Variants in PHLPP1 observed in about 807,000 individuals in gnomAD.
The protein encoded by PHLPP1 is PH domain and leucine rich repeat protein phosphatase 1, also known as PH domain leucine-rich repeat-containing protein phosphatase 1.
In PHLPP1, 42 loss-of-function variants were observed where a neutral mutation model predicts 117.2. That is an observed-to-expected ratio of 0.36 (90% CI 0.28 to 0.46). The LOEUF (loss-of-function observed/expected upper bound fraction) is 0.46, where lower values mean the gene tolerates loss of function less well. Ranked by LOEUF, PHLPP1 falls within the 20% of genes least tolerant of loss-of-function variation. The pLI is 1.00. For synonymous variants in PHLPP1, 1,042 were observed against 970.7 expected (o/e 1.07, Z -1.37); for missense variants, 2,084 against 2,241.9 (o/e 0.93, Z 1.42).
At chr18:62,925,782 T>A (rs1909611523) in intron 10 of PHLPP1, among the ~76,000 whole-genome samples, 1 of 152,196 alleles carries the variant, frequency 6.6e-6, no homozygotes, top group Non-Finnish European at 1.5e-5. Flanking sequence ...CAAAGTGTTT[T>A]CAGAATTTCC....
intron 12 of PHLPP1, among the ~76,000 whole-genome samples, chr18:62,950,208 A>G (rs918260490): frequency 1.3e-5 from 2 of 152,192 alleles, no homozygotes; most frequent in African/African-American, 4.8e-5. Context: ...TATCTTTAGA[A>G]GATTATTTTC....
intron 1 of PHLPP1, among the ~76,000 whole-genome samples, chr18:62,745,116 A>G (rs1911639425): frequency 6.6e-6 from 1 of 152,230 alleles, no homozygotes; most frequent in African/African-American, 2.4e-5. Context: ...AGGGTTTAGT[A>G]ATCTTATTTG....
intron 14 of PHLPP1, among the ~76,000 whole-genome samples, chr18:62,969,808 C>T (rs1911000873): frequency 6.6e-6 from 1 of 152,168 alleles, no homozygotes; most frequent in African/African-American, 2.4e-5. Flanking sequence ...TTAATGTTAG[C>T]ATGGTATACC....
At chr18:62,949,935 A>C (rs1281144073) in intron 12 of PHLPP1, among the ~76,000 whole-genome samples, 1 of 152,206 alleles carries the variant, frequency 6.6e-6, no homozygotes, top group Non-Finnish European at 1.5e-5. Flanking sequence ...TTGCAACAAA[A>C]ACCAAGCTAT....
chr18:62,862,859 G>T (rs141071098), intron 4 of PHLPP1, among the ~76,000 whole-genome samples: 1 of 152,264 alleles, frequency 6.6e-6, no homozygotes, highest in African/African-American at 2.4e-5. Flanking sequence ...TTTTTTTAAA[G>T]AATATTTTTA....
intron 3 of PHLPP1, among the ~76,000 whole-genome samples, chr18:62,858,652 C>T (rs1398756482): frequency 1.3e-5 from 2 of 152,148 alleles, no homozygotes; most frequent in African/African-American, 4.8e-5. Context: ...GTGAATGAAG[C>T]TGGGTATGGT....
chr18:62,870,059 A>T (rs903481180), intron 4 of PHLPP1, among the ~76,000 whole-genome samples: 1 of 151,996 alleles, frequency 6.6e-6, no homozygotes, highest in Non-Finnish European at 1.5e-5. Flanking sequence ...CGCCTGGCTA[A>T]TTTTTGTATT....
intron 4 of PHLPP1, among the ~76,000 whole-genome samples, chr18:62,879,201 T>C (rs1459522089): frequency 6.6e-6 from 1 of 152,184 alleles, no homozygotes; most frequent in Non-Finnish European, 1.5e-5. Flanking sequence ...ATGAGGGCTC[T>C]ACCTTCATGA....
chr18:62,731,368 A>G (rs944433622), intron 1 of PHLPP1: 1 of 152,066 alleles, frequency 6.6e-6, no homozygotes, highest in Non-Finnish European at 1.5e-5. Flanking sequence ...GTGATCTGTG[A>G]TCGGTGATTT....
chr18:62,871,644 ATT>A (rs71160879), intron 4 of PHLPP1, among the ~76,000 whole-genome samples: 82 of 108,566 alleles, frequency 7.6e-4, no homozygotes, highest in Non-Finnish European at 9.0e-4. Context: ...AGCTCTGAAA[ATT>A]TTTTTTTTTT....
chr18:62,778,960 G>A (rs1359559352), intron 1 of PHLPP1, among the ~76,000 whole-genome samples: 1 of 152,246 alleles, frequency 6.6e-6, no homozygotes, highest in African/African-American at 2.4e-5. Context: ...TTCAGGGAAT[G>A]TTAGTGGCTG....
At chr18:62,806,054 C>G (rs1016992798) in intron 1 of PHLPP1, among the ~76,000 whole-genome samples, 4 of 152,010 alleles carry the variant, frequency 2.6e-5, no homozygotes, top group Admixed American at 6.6e-5. Flanking sequence ...AGTGCCCTCC[C>G]GGACTTCTGT....
intron 4 of PHLPP1, among the ~76,000 whole-genome samples, chr18:62,871,225 T>G (rs1321904080): frequency 6.6e-6 from 1 of 152,236 alleles, no homozygotes; most frequent in Non-Finnish European, 1.5e-5. Flanking sequence ...ATGTTTTTAA[T>G]ATGATAGCAA....
chr18:62,791,558 G>T (rs2144290135), intron 1 of PHLPP1, among the ~76,000 whole-genome samples: 1 of 152,258 alleles, frequency 6.6e-6, no homozygotes, highest in East Asian at 1.9e-4. Context: ...CCAATTTCCT[G>T]CCAGCAATAT....
Position 62,716,472 on chromosome 18 carries a change from G to GC in PHLPP1, c.795dup (p.Glu266ArgfsTer96). ...CCGCCGCCCGGGAGCCCGCTGAACC[G>GC]CCCCCCGAGGCCGGCCCCCGGCTGG... On this transcript the variant is annotated frameshift_variant, in exon 1 of 17. Transcript: ENST00000262719. LOFTEE classifies it high-confidence loss of function. This position sits in a 1 kb window ranked among gnomAD's most constrained non-coding sequence, Gnocchi z 5.7. 8.1e-7 allele frequency: 1 copy of GC among 1,233,102 alleles called. No homozygotes were observed. The highest frequency in any genetic ancestry group is 1.0e-6 in the Non-Finnish European group (1 of 990,590). The allele number at this position is 1,233,102 out of a possible 1,614,324, so 76.4% of individuals were successfully genotyped here. A position where few individuals can be genotyped will look rare whatever the true frequency, so the allele number is the denominator to read the frequency against.
At chr18:62,885,777 C>A (rs983110904) in intron 4 of PHLPP1, among the ~76,000 whole-genome samples, 1 of 152,184 alleles carries the variant, frequency 6.6e-6, no homozygotes, top group African/African-American at 2.4e-5. Context: ...ACACTCTTTC[C>A]TTTTATAAAT....
chr18:62,837,180 TA>T (rs1222435839), intron 2 of PHLPP1, among the ~76,000 whole-genome samples: 1 of 152,112 alleles, frequency 6.6e-6, no homozygotes, highest in Non-Finnish European at 1.5e-5. Flanking sequence ...TTTGTAGAGA[TA>T]AGGTTTTGCC....
intron 10 of PHLPP1, 64 bp from the exon 11 acceptor site, chr18:62,941,654 T>G: frequency 8.2e-7 from 1 of 1,215,466 alleles, no homozygotes; most frequent in Non-Finnish European, 1.2e-6. Context: ...GTATCAAAGC[T>G]TTTAGGTTTC....
At position 62,978,318 on chromosome 18, in the gene PHLPP1, C is replaced by A. The variant is rs1240947983; in HGVS notation, c.4041C>A (p.Leu1347=). 1 of 1,613,128 alleles carries A rather than the reference C, an allele frequency of 6.2e-7. No homozygotes were observed. Among genetic ancestry groups the A allele is most frequent in the East Asian group, 2.2e-5 (1 of 44,878 alleles). Reference sequence around the variant, plus strand: ...CGCGCATCCTGGGCTACACCTTCCTCCATCCCAGTGTGGTGCCTCGCCCCC... The same window carrying A: ...CGCGCATCCTGGGCTACACCTTCCTACATCCCAGTGTGGTGCCTCGCCCCC... ...ESTRILGYTF[L]HPSVVPRPHV... Residue 1347 remains leucine (L), a synonymous_variant, in exon 17 of 17, where the codon CTC becomes CTA. Transcript: ENST00000262719. The surrounding 1 kb of genome is among the most constrained non-coding windows in gnomAD (Gnocchi z 7.0).
Sources: gnomAD v4.1 joint callset for allele counts (sites outside exome capture counted in the v4.1 genomes callset) on GRCh38, gnomAD v4.1.1 for gene constraint, Gnocchi (gnomAD v3.1) non-coding constraint, MANE v1.5 for transcripts, NCBI Gene and HGNC (gene_info 2026-07-23, HGNC 2026-07-21) for gene names.